TENM2: variants seen among roughly 807,000 people sequenced by gnomAD.
TENM2 encodes teneurin transmembrane protein 2, also known as teneurin-2.
TENM2 carries 52 observed loss-of-function variants against 245.2 expected under a neutral mutation model. The ratio of observed to expected loss-of-function variants is 0.21; its 90% confidence interval spans 0.17 to 0.27. TENM2 has a LOEUF of 0.27. Ranked by LOEUF, TENM2 falls within the 10% of genes least tolerant of loss-of-function variation. The pLI, the probability that TENM2 is intolerant of heterozygous loss-of-function variation, is 1.00. For synonymous variants in TENM2, 1,363 were observed against 1,438.9 expected (o/e 0.95, Z 1.19); for missense variants, 3,046 against 3,666.8 (o/e 0.83, Z 4.37).
chr5:168,067,932 G>A (rs1013944165), intron 7 of TENM2, among the ~76,000 whole-genome samples: 1 of 152,138 alleles, frequency 6.6e-6, no homozygotes, highest in African/African-American at 2.4e-5. Context: ...GATCTTTACA[G>A]GCATGTTTTT....
chr5:167,145,252 A>G, the TENM2 span, among the ~76,000 whole-genome samples: 1 of 152,208 alleles, frequency 6.6e-6, no homozygotes, highest in African/African-American at 2.4e-5. Flanking sequence ...CTATTACTCA[A>G]TCAGCGCAGA....
chr5:167,884,914 A>T (rs553564480), intron 3 of TENM2, among the ~76,000 whole-genome samples: 156 of 152,224 alleles, frequency 1.0e-3, no homozygotes, highest in African/African-American at 3.6e-3. Context: ...CTTCTCCAAT[A>T]CTTGTTACCT....
intron 2 of TENM2, among the ~76,000 whole-genome samples, chr5:167,487,552 T>A (rs770265374): frequency 6.6e-6 from 1 of 152,206 alleles, no homozygotes; most frequent in Non-Finnish European, 1.5e-5. Flanking sequence ...TAGTGAACTT[T>A]CTGTGTATGA....
chr5:167,301,841 G>A (rs1250551885), intron 1 of TENM2, among the ~76,000 whole-genome samples: 1 of 152,104 alleles, frequency 6.6e-6, no homozygotes, highest in Non-Finnish European at 1.5e-5. Context: ...GGGCAGGTGG[G>A]GGAGGGCTAG....
At chr5:167,412,513 C>A (rs1305834458) in intron 2 of TENM2, among the ~76,000 whole-genome samples, 1 of 152,040 alleles carries the variant, frequency 6.6e-6, no homozygotes, top group Non-Finnish European at 1.5e-5. Context: ...TGGTATACCA[C>A]CTAGGTTTGT....
chr5:168,241,268 T>C (rs965436855), intron 25 of TENM2, among the ~76,000 whole-genome samples: 1 of 151,592 alleles, frequency 6.6e-6, no homozygotes, highest in Non-Finnish European at 1.5e-5. Context: ...TGTTCTTTTT[T>C]TTTTTGAAAC....
the TENM2 span, among the ~76,000 whole-genome samples, chr5:167,125,624 TATATTCTATACATAC>T: frequency 3.3e-5 from 5 of 152,342 alleles, no homozygotes; most frequent in East Asian, 5.8e-4. Context: ...TTTGCTGATA[TATATTCTATACATAC>T]ATATTCTATA....
At chr5:167,092,910 G>C in the TENM2 span, among the ~76,000 whole-genome samples, 1 of 152,092 alleles carries the variant, frequency 6.6e-6, no homozygotes, top group Non-Finnish European at 1.5e-5. Context: ...AAGATGATAG[G>C]AATTACTAAA....
chr5:167,615,674 A>G (rs1043281233), intron 2 of TENM2, among the ~76,000 whole-genome samples: 1 of 152,080 alleles, frequency 6.6e-6, no homozygotes. Context: ...TTCAATAAAC[A>G]GTCAGAATAT....
intron 2 of TENM2, among the ~76,000 whole-genome samples, chr5:167,760,887 G>T (rs1378246399): frequency 6.6e-6 from 1 of 151,784 alleles, no homozygotes; most frequent in African/African-American, 2.4e-5. Context: ...CTGACCTCAG[G>T]TGATCCGCCC....
At chr5:167,034,013 T>C in the TENM2 span, among the ~76,000 whole-genome samples, 10 of 152,174 alleles carry the variant, frequency 6.6e-5, no homozygotes, top group Admixed American at 3.9e-4. Flanking sequence ...TTTAAAGATA[T>C]AAGAAGAAAA....
intron 2 of TENM2, among the ~76,000 whole-genome samples, chr5:167,804,748 C>A (rs1047781119): frequency 1.1e-4 from 17 of 151,998 alleles, no homozygotes; most frequent in Non-Finnish European, 2.1e-4. Context: ...AAATGAATCA[C>A]GGCATGGCGA....
chr5:167,778,624 C>T (rs775708955), intron 2 of TENM2, among the ~76,000 whole-genome samples: 1 of 151,970 alleles, frequency 6.6e-6, no homozygotes, highest in Non-Finnish European at 1.5e-5. Context: ...CACAGTCTCA[C>T]GAAGAAAACA....
intron 25 of TENM2, among the ~76,000 whole-genome samples, chr5:168,236,969 TATATATATATATATATATATATATATATA>T (rs1562318850): frequency 0.045 from 320 of 7,158 alleles, 30 homozygotes; most frequent in Non-Finnish European, 0.063. Context: ...TATATATATA[TATATATATATATATATATATATATATATA>T]TATTTTTTTT....
Position 167,782,313 on chromosome 5 carries a change from CAAAAAAAAAAAA to C in TENM2, c.503-93658_503-93647del, listed in dbSNP as rs767675565. Among the ~76,000 whole-genome samples the C allele has an allele frequency of 1.2e-4, 7 of 58,756 alleles. No individual in the cohort carries two copies. The East Asian group carries it at 1.6e-3, about 14-fold the overall frequency. The allele number at this position is 58,756 out of a possible 152,430, so 38.5% of individuals were successfully genotyped here. A position where few individuals can be genotyped will look rare whatever the true frequency, so the allele number is the denominator to read the frequency against. ...GGGCAACAAGAGCAAAACTCTGTCT[CAAAAAAAAAAAA>C]AAAAAAAAAAAAAATTAAAAAGAAA... On this transcript the variant is annotated intron_variant, in intron 2 of 28. Transcript: ENST00000518659.
chr5:168,113,479 G>T (rs1246035088), intron 9 of TENM2, among the ~76,000 whole-genome samples: 1 of 152,016 alleles, frequency 6.6e-6, no homozygotes, highest in African/African-American at 2.4e-5. Context: ...TTATGACTGA[G>T]CCTCTCCAAT....
intron 2 of TENM2, among the ~76,000 whole-genome samples, chr5:167,633,736 T>A (rs890128284): frequency 6.6e-6 from 1 of 152,146 alleles, no homozygotes; most frequent in South Asian, 2.1e-4. Flanking sequence ...CTAATCACCT[T>A]ATGTGACCCA....
chr5:167,010,740 T>C, the TENM2 span, among the ~76,000 whole-genome samples: 2 of 152,220 alleles, frequency 1.3e-5, no homozygotes, highest in Non-Finnish European at 2.9e-5. Context: ...ACAAAAATTT[T>C]AATTCTATTT....
At chr5:168,245,345 G>A (rs1344332865) in intron 26 of TENM2, among the ~76,000 whole-genome samples, 1 of 152,016 alleles carries the variant, frequency 6.6e-6, no homozygotes, top group African/African-American at 2.4e-5. Context: ...TGGCAGCGTG[G>A]CTCATCATTA....
Sources: gnomAD v4.1 joint callset for allele counts (sites outside exome capture counted in the v4.1 genomes callset) on GRCh38, gnomAD v4.1.1 for gene constraint, MANE v1.5 for transcripts, NCBI Gene and HGNC (gene_info 2026-07-23, HGNC 2026-07-21) for gene names.